Variants in NRG3 observed in about 807,000 individuals in gnomAD.
The protein encoded by NRG3 is neuregulin 3, also known as pro-neuregulin-3, membrane-bound isoform.
NRG3 carries 31 observed loss-of-function variants against 66.9 expected under a neutral mutation model. That is an observed-to-expected ratio of 0.46 (90% CI 0.35 to 0.63). The LOEUF is 0.63. Among genes scored for constraint, NRG3 ranks in the 20% least tolerant of loss-of-function variants. The pLI, the probability that NRG3 is intolerant of heterozygous loss-of-function variation, is 0.00. For synonymous variants in NRG3, 393 were observed against 359.4 expected (o/e 1.09, Z -1.06); for missense variants, 910 against 878.9 (o/e 1.04, Z -0.45).
intron 1 of NRG3, among the ~76,000 whole-genome samples, chr10:82,063,601 G>A (rs1589969678): frequency 6.6e-6 from 1 of 151,052 alleles, no homozygotes; most frequent in Non-Finnish European, 1.5e-5. Context: ...TCTTGGTATA[G>A]CATTATTGGT....
chr10:82,891,162 A>G (rs1843117241), intron 4 of NRG3, among the ~76,000 whole-genome samples: 1 of 151,626 alleles, frequency 6.6e-6, no homozygotes, highest in Non-Finnish European at 1.5e-5. Context: ...TTAAAAAGAA[A>G]GAAAAAAATG....
chr10:81,977,346 A>G (rs2060161968), intron 1 of NRG3, among the ~76,000 whole-genome samples: 1 of 152,188 alleles, frequency 6.6e-6, no homozygotes, highest in Non-Finnish European at 1.5e-5. Context: ...TGGCATCTAG[A>G]TCATGCTTGA....
chr10:82,515,525 G>A (rs1845572819), intron 2 of NRG3, among the ~76,000 whole-genome samples: 1 of 152,126 alleles, frequency 6.6e-6, no homozygotes, highest in African/African-American at 2.4e-5. Context: ...CTATACAAAT[G>A]GGAACAAGGA....
At chr10:82,451,206 G>T (rs966337993) in intron 2 of NRG3, among the ~76,000 whole-genome samples, 1 of 152,044 alleles carries the variant, frequency 6.6e-6, no homozygotes, top group African/African-American at 2.4e-5. Flanking sequence ...AAACTGAAAT[G>T]CAGGGAACTT....
chr10:82,662,724 TCTTGA>T (rs1428893564), intron 2 of NRG3, among the ~76,000 whole-genome samples: 2 of 152,144 alleles, frequency 1.3e-5, no homozygotes, highest in African/African-American at 4.8e-5. Flanking sequence ...ATTTAGATCC[TCTTGA>T]CTTGACCAAA....
chr10:82,669,671 G>A (rs1290613717), intron 2 of NRG3, among the ~76,000 whole-genome samples: 2 of 152,196 alleles, frequency 1.3e-5, no homozygotes, highest in Non-Finnish European at 2.9e-5. Context: ...GCTCTCGCCT[G>A]TAATCCCAGC....
chr10:81,943,875 T>TG, intron 1 of NRG3, among the ~76,000 whole-genome samples: 1 of 152,156 alleles, frequency 6.6e-6, no homozygotes, highest in East Asian at 1.9e-4. Flanking sequence ...AAGAGGAAAG[T>TG]GGGGGGTGCT....
chr10:82,971,268 A>C (rs1438390881), intron 6 of NRG3, among the ~76,000 whole-genome samples: 1 of 152,136 alleles, frequency 6.6e-6, no homozygotes, highest in East Asian at 1.9e-4. Flanking sequence ...AAAGGGGACA[A>C]ATATCCAAAC....
intron 3 of NRG3, among the ~76,000 whole-genome samples, chr10:82,742,391 C>G (rs914268335): frequency 1.3e-5 from 2 of 152,108 alleles, no homozygotes; most frequent in African/African-American, 2.4e-5. Flanking sequence ...CCCCTCTGCT[C>G]TCTTTTAAAT....
At chr10:82,554,240 A>G (rs665088) in intron 2 of NRG3, among the ~76,000 whole-genome samples, 9,622 of 152,204 alleles carry the variant, frequency 0.063, 409 homozygotes, top group Non-Finnish European at 0.097. Flanking sequence ...TATCACGGAC[A>G]GTATTGTATT....
chr10:82,028,208 C>G (rs2207774), intron 1 of NRG3, among the ~76,000 whole-genome samples: 146,446 of 152,160 alleles, frequency 0.96, 70,519 homozygotes, highest in African/African-American at 0.99. Context: ...TAAACATGAA[C>G]AAGAGATGAC....
chr10:82,045,276 G>A (rs1190463154), intron 1 of NRG3, among the ~76,000 whole-genome samples: 698 of 27,686 alleles, frequency 0.025, 217 homozygotes, highest in African/African-American at 0.034. Context: ...GTGTGAGATG[G>A]TATATCACTG....
chr10:82,930,545 T>C (rs1472904512), intron 4 of NRG3, among the ~76,000 whole-genome samples: 2 of 152,114 alleles, frequency 1.3e-5, no homozygotes, highest in Non-Finnish European at 2.9e-5. Flanking sequence ...CTTGATTGTG[T>C]ATATTGTCTG....
intron 1 of NRG3, among the ~76,000 whole-genome samples, chr10:82,226,762 A>T (rs967236141): frequency 2.6e-5 from 4 of 152,136 alleles, no homozygotes; most frequent in Non-Finnish European, 5.9e-5. Context: ...TGCTCATGTA[A>T]TTTGGCCAAA....
chr10:82,629,404 A>G (rs1191026874), intron 2 of NRG3, among the ~76,000 whole-genome samples: 1 of 152,216 alleles, frequency 6.6e-6, no homozygotes, highest in Non-Finnish European at 1.5e-5. Context: ...TCTGGAAACA[A>G]TTTCTTAACC....
chr10:82,613,888 C>T (rs2048471349), intron 2 of NRG3, among the ~76,000 whole-genome samples: 1 of 134,578 alleles, frequency 7.4e-6, no homozygotes, highest in Non-Finnish European at 1.5e-5. Context: ...TTTCCTGTGT[C>T]CATGTGTTCT....
At chr10:82,780,778 A>G (rs1479718659) in intron 3 of NRG3, among the ~76,000 whole-genome samples, 2 of 152,146 alleles carry the variant, frequency 1.3e-5, no homozygotes, top group Non-Finnish European at 1.5e-5. Flanking sequence ...AGTGAGGACC[A>G]AAAGTGCTTC....
intron 2 of NRG3, among the ~76,000 whole-genome samples, chr10:82,564,055 T>C (rs936951303): frequency 2.6e-5 from 4 of 152,066 alleles, no homozygotes; most frequent in Non-Finnish European, 5.9e-5. Context: ...AAGGGGTCAT[T>C]TTTTGAGAAA....
intron 2 of NRG3, among the ~76,000 whole-genome samples, chr10:82,586,179 A>G (rs1295865546): frequency 6.6e-6 from 1 of 152,040 alleles, no homozygotes; most frequent in Non-Finnish European, 1.5e-5. Flanking sequence ...GCATCATGCA[A>G]TATGCCCATG....
Sources: gnomAD v4.1 joint callset for allele counts (sites outside exome capture counted in the v4.1 genomes callset) on GRCh38, gnomAD v4.1.1 for gene constraint, MANE v1.5 for transcripts, NCBI Gene and HGNC (gene_info 2026-07-23, HGNC 2026-07-21) for gene names.